SNRPN: variants seen among roughly 807,000 people sequenced by gnomAD.
SNRPN encodes small nuclear ribonucleoprotein-associated protein N.
Under a neutral mutation model 25.2 loss-of-function variants are expected in SNRPN, and 7 were observed. That is an observed-to-expected ratio of 0.28 (90% confidence interval 0.16 to 0.52). SNRPN has a LOEUF of 0.52. Among genes scored for constraint, SNRPN ranks in the 20% least tolerant of loss-of-function variants. The pLI is 0.96. For synonymous variants in SNRPN, 124 were observed against 110.6 expected, an observed-to-expected ratio of 1.12 and a Z score of -0.76; for missense variants, 196 against 322.5, an observed-to-expected ratio of 0.61 and a Z score of 3.00.
intron 2 of SNRPN, among the ~76,000 whole-genome samples, chr15:24,900,171 G>A (rs58293522): frequency 0.024 from 3,641 of 152,300 alleles, 66 homozygotes; most frequent in African/African-American, 0.052. Flanking sequence ...GGGTGGAATG[G>A]ATTCAGTTGA....
intron 5 of SNRPN, among the ~76,000 whole-genome samples, chr15:24,975,842 A>G (rs1032625266): frequency 2.6e-5 from 4 of 152,204 alleles, no homozygotes; most frequent in Admixed American, 2.0e-4. Flanking sequence ...CTTGGTTGAA[A>G]TGGAGAAGAA....
intron 3 of SNRPN, among the ~76,000 whole-genome samples, chr15:24,943,029 T>C (rs2061652959): frequency 7.0e-6 from 1 of 142,970 alleles, no homozygotes; most frequent in Non-Finnish European, 1.5e-5. Context: ...TGTCTTTACC[T>C]TTTTTTTTTT....
chr15:24,906,862 G>T (rs138618949), intron 2 of SNRPN, among the ~76,000 whole-genome samples: 2 of 152,120 alleles, frequency 1.3e-5, no homozygotes, highest in African/African-American at 4.8e-5. Flanking sequence ...CTTTTCTGAC[G>T]CAGGTAGTTG....
At chr15:24,955,948 C>T (rs2062791319) in intron 1 of SNRPN, among the ~76,000 whole-genome samples, 1 of 150,714 alleles carries the variant, frequency 6.6e-6, no homozygotes, top group African/African-American at 2.4e-5. Context: ...TCAGAAGGGG[C>T]AGTAGCACAG....
intron 3 of SNRPN, among the ~76,000 whole-genome samples, chr15:24,937,905 A>G (rs1181599389): frequency 6.6e-6 from 1 of 152,166 alleles, no homozygotes; most frequent in African/African-American, 2.4e-5. Flanking sequence ...CATTCTGTGT[A>G]GTGTTTCCAA....
At chr15:24,899,186 C>T (rs903507100) in intron 2 of SNRPN, among the ~76,000 whole-genome samples, 21 of 152,180 alleles carry the variant, frequency 1.4e-4, no homozygotes, top group African/African-American at 4.6e-4. Flanking sequence ...CTCAGCTTTT[C>T]TCCCAACACT....
chr15:24,888,357 C>T (rs1213624776), intron 2 of SNRPN, among the ~76,000 whole-genome samples: 5 of 152,056 alleles, frequency 3.3e-5, no homozygotes, highest in Non-Finnish European at 7.4e-5. Flanking sequence ...CCACCCACCT[C>T]GGGTTCCCAA....
intron 3 of SNRPN, chr15:24,968,360 CT>C (rs2075956935): frequency 4.0e-6 from 1 of 252,212 alleles, no homozygotes; most frequent in Admixed American, 5.2e-5. Flanking sequence ...ATAAATGGCT[CT>C]TGAATACCCT....
intron 2 of SNRPN, among the ~76,000 whole-genome samples, chr15:24,912,037 G>A (rs2152210317): frequency 6.6e-6 from 1 of 152,346 alleles, no homozygotes; most frequent in Middle Eastern, 3.4e-3. Flanking sequence ...TGTAAGGTGA[G>A]AGGTAGAATC....
chr15:24,915,396 G>A lies in SNRPN; in HGVS notation c.-504-4615G>A, dbSNP rs2059449723. ...CCGCTTCGGCCACCCAAGGTGCTGG[G>A]ATTATGGGGGTGAGCCACCTTGCCC... On this transcript the variant is annotated intron_variant, in intron 2 of 11. Transcript: ENST00000400097. 2.0e-5 allele frequency among the ~76,000 whole-genome samples: 3 copies of A among 152,246 alleles called. No homozygotes were observed. The East Asian group carries it at 5.8e-4, about 29-fold the overall frequency.
At chr15:24,824,488 C>G (rs2049939934) in intron 1 of SNRPN, among the ~76,000 whole-genome samples, 1 of 152,054 alleles carries the variant, frequency 6.6e-6, no homozygotes, top group African/African-American at 2.4e-5. Context: ...GTATTATTTT[C>G]TTACTCCTTT....
At chr15:24,885,401 C>T (rs1032902336) in intron 1 of SNRPN, among the ~76,000 whole-genome samples, 1 of 152,212 alleles carries the variant, frequency 6.6e-6, no homozygotes, top group African/African-American at 2.4e-5. Flanking sequence ...TTCCTAGACA[C>T]TGCCAAATTG....
At chr15:24,959,917 C>T (rs776736838) in intron 1 of SNRPN, among the ~76,000 whole-genome samples, 1 of 152,066 alleles carries the variant, frequency 6.6e-6, no homozygotes, top group Admixed American at 6.6e-5. Context: ...GAAATTTTGT[C>T]TTTTTGGAAG....
At chr15:24,930,576 T>G (rs2060753797) in intron 3 of SNRPN, among the ~76,000 whole-genome samples, 1 of 119,776 alleles carries the variant, frequency 8.3e-6, no homozygotes, top group African/African-American at 2.9e-5. Context: ...GGAAACCCTG[T>G]CTCTACAAAA....
At chr15:24,830,174 G>A (rs893168185) in intron 2 of SNRPN, among the ~76,000 whole-genome samples, 10 of 152,012 alleles carry the variant, frequency 6.6e-5, no homozygotes, top group East Asian at 1.9e-4. Context: ...AATACTTAAC[G>A]TTTATTTTTG....
chr15:24,866,761 G>T (rs1399837158), intron 1 of SNRPN, among the ~76,000 whole-genome samples: 2 of 152,026 alleles, frequency 1.3e-5, no homozygotes, highest in Non-Finnish European at 1.5e-5. Flanking sequence ...ACATTTTTTA[G>T]ATTTCACATG....
intron 1 of SNRPN, among the ~76,000 whole-genome samples, chr15:24,874,512 T>A (rs545581525): frequency 8.5e-5 from 13 of 152,164 alleles, no homozygotes; most frequent in African/African-American, 3.1e-4. Context: ...AATGAAAGAA[T>A]AGTGTAATCA....
intron 2 of SNRPN, among the ~76,000 whole-genome samples, chr15:24,906,359 C>A (rs1187619190): frequency 6.6e-6 from 1 of 152,098 alleles, no homozygotes; most frequent in Non-Finnish European, 1.5e-5. Flanking sequence ...TCTTGAGCTC[C>A]CAAGCTCAAC....
intron 1 of SNRPN, among the ~76,000 whole-genome samples, chr15:24,879,122 C>T (rs4906929): frequency 0.55 from 84,169 of 151,940 alleles, 23,673 homozygotes; most frequent in African/African-American, 0.66. Flanking sequence ...GATTATTTTC[C>T]GCCACGTATT....
Sources: gnomAD v4.1 joint callset for allele counts (sites outside exome capture counted in the v4.1 genomes callset) on GRCh38, gnomAD v4.1.1 for gene constraint, MANE v1.5 for transcripts, NCBI Gene and HGNC (gene_info 2026-07-23, HGNC 2026-07-21) for gene names.